FAT3: variants seen among roughly 807,000 people sequenced by gnomAD.
The protein encoded by FAT3 is protocadherin Fat 3.
FAT3 carries 95 observed loss-of-function variants against 310.2 expected under a neutral mutation model. That is an observed-to-expected ratio of 0.31 (90% CI 0.26 to 0.36). The LOEUF (loss-of-function observed/expected upper bound fraction) is 0.36. Ranked by LOEUF, FAT3 falls within the 10% of genes least tolerant of loss-of-function variation. The probability of loss-of-function intolerance (pLI) is 1.00; values close to 1 mark genes in which losing one functional copy is unlikely to be tolerated. For synonymous variants in FAT3, 2,314 were observed against 2,192.9 expected (o/e 1.06, Z -1.54); for missense variants, 5,408 against 5,715.6 (o/e 0.95, Z 1.74).
chr11:92,874,049 A>C (rs1949461556), intron 22 of FAT3, among the ~76,000 whole-genome samples: 1 of 152,226 alleles, frequency 6.6e-6, no homozygotes, highest in Admixed American at 6.5e-5. Context: ...ATGCACAGAA[A>C]GTTCTTAGAA....
intron 3 of FAT3, among the ~76,000 whole-genome samples, chr11:92,563,909 C>T (rs972759899): frequency 2.0e-5 from 3 of 152,002 alleles, no homozygotes; most frequent in Admixed American, 6.6e-5. Context: ...AAAGGAACAA[C>T]CGGTACCAGC....
chr11:92,432,796 T>C (rs1381913426), intron 2 of FAT3, among the ~76,000 whole-genome samples: 3 of 152,064 alleles, frequency 2.0e-5, no homozygotes, highest in African/African-American at 7.2e-5. Flanking sequence ...TCAGAGCCGG[T>C]AGGGAGGAAC....
At chr11:92,399,600 T>C (rs1352083860) in intron 2 of FAT3, among the ~76,000 whole-genome samples, 2 of 152,010 alleles carry the variant, frequency 1.3e-5, no homozygotes, top group East Asian at 3.9e-4. Context: ...CACAACTTGG[T>C]TGGTGGGAGC....
intron 1 of FAT3, chr11:92,314,236 T>C (rs1034683087): frequency 5.3e-6 from 5 of 939,950 alleles, no homozygotes; most frequent in Non-Finnish European, 6.3e-6. Context: ...GGCTAATTAA[T>C]AATTAAGGTC....
At chr11:92,464,303 G>A (rs987746731) in intron 2 of FAT3, among the ~76,000 whole-genome samples, 1 of 152,122 alleles carries the variant, frequency 6.6e-6, no homozygotes, top group Non-Finnish European at 1.5e-5. Context: ...GTTGGTCCTG[G>A]CATGTAGGTC....
intron 2 of FAT3, among the ~76,000 whole-genome samples, chr11:92,415,848 G>GTTTTTT (rs1950396728): frequency 2.6e-5 from 2 of 78,406 alleles, no homozygotes; most frequent in African/African-American, 1.4e-4. Context: ...AAGCATTTTT[G>GTTTTTT]CTTTTTTTTT....
rs370287381 is a variant in FAT3, at chr11:92,831,752, C to G, written c.9612C>G (p.Ser3204Arg). The G allele has an allele frequency of 1.7e-5, 28 of 1,613,374 alleles. No individual in the cohort carries two copies. The South Asian group carries it at 2.6e-4, about 15-fold the overall frequency. ...DREQQSSYNI[S>R]VRATDQSPGQ... is the part of the protein sequence containing the mutation. ...AGCAGCAGTCTTCGTACAACATCAGCGTGCGGGCCACTGACCAGAGTCCTG... is the reference window on the plus strand; with the variant it reads ...AGCAGCAGTCTTCGTACAACATCAGGGTGCGGGCCACTGACCAGAGTCCTG... Residue 3204 changes from serine to arginine, a missense_variant, in exon 14 of 28, where the codon AGC (serine) becomes AGG (arginine). Ser to Arg is a moderately radical substitution (Grantham distance 110). Transcript: ENST00000525166.
At chr11:92,532,831 G>A (rs955675686) in intron 3 of FAT3, among the ~76,000 whole-genome samples, 5 of 152,014 alleles carry the variant, frequency 3.3e-5, no homozygotes, top group Non-Finnish European at 7.4e-5. Context: ...TTTCATCATT[G>A]GAATGAAACA....
At chr11:92,247,407 C>A (rs1864960288) in intron 1 of FAT3, among the ~76,000 whole-genome samples, 1 of 151,706 alleles carries the variant, frequency 6.6e-6, no homozygotes, top group African/African-American at 2.4e-5. Context: ...GTGTGACATG[C>A]CTCTTCTGCA....
At chr11:92,621,980 G>A (rs1170995711) in intron 3 of FAT3, among the ~76,000 whole-genome samples, 3 of 152,124 alleles carry the variant, frequency 2.0e-5, no homozygotes, top group Non-Finnish European at 2.9e-5. Flanking sequence ...GACATGTTTA[G>A]ATCCACTGAT....
At chr11:92,266,697 G>A (rs1241946173) in intron 1 of FAT3, among the ~76,000 whole-genome samples, 1 of 152,116 alleles carries the variant, frequency 6.6e-6, no homozygotes, top group Non-Finnish European at 1.5e-5. Context: ...CTCAGGGATG[G>A]CAGAAATTGC....
chr11:92,874,766 C>T lies in FAT3; in HGVS notation c.12128-5965C>T, dbSNP rs191029098. Among the ~76,000 whole-genome samples the T allele has an allele frequency of 3.1e-3, 475 of 152,190 alleles. 3 individuals are homozygous for T. The highest frequency in any genetic ancestry group is 3.8e-3 in the Non-Finnish European group (257 of 67,984). ...ATTGGTCAGGCTGGTCTCAAACCCCCGAACTCAGGTGATCCGCCCACCTTG... is the reference window on the plus strand; with the variant it reads ...ATTGGTCAGGCTGGTCTCAAACCCCTGAACTCAGGTGATCCGCCCACCTTG... On this transcript the variant is annotated intron_variant, in intron 22 of 27. Coordinates refer to ENST00000525166, the MANE Select transcript of FAT3 (RefSeq NM_001367949.2).
chr11:92,887,226 C>T (rs1461795235), intron 25 of FAT3, 113 bp downstream of exon 25: 1 of 863,296 alleles, frequency 1.2e-6, no homozygotes, highest in Non-Finnish European at 1.8e-6. Context: ...TGTTCATGGG[C>T]TTTTGAGCGT....
intron 10 of FAT3, 97 bp downstream of exon 10, chr11:92,802,006 A>G (rs1947374141): frequency 8.4e-7 from 1 of 1,196,290 alleles, no homozygotes; most frequent in East Asian, 2.5e-5. Context: ...AGATGGGATA[A>G]GGAGTCCAGT....
intron 2 of FAT3, among the ~76,000 whole-genome samples, chr11:92,483,144 G>T (rs1414151752): frequency 6.6e-6 from 1 of 152,118 alleles, no homozygotes; most frequent in African/African-American, 2.4e-5. Context: ...TAGTGCTGAT[G>T]CTTGGACAAG....
In FAT3 at chr11:92,761,975, G is replaced by A; in HGVS notation, c.3789G>A (p.Leu1263=). 2 of 1,613,984 alleles carry A rather than the reference G, an allele frequency of 1.2e-6. No homozygotes were observed. Among genetic ancestry groups the A allele is most frequent in the Non-Finnish European group, 1.7e-6 (2 of 1,179,888 alleles). ...CAGAGAAGGTCTACCAGATCAAGCT[G>A]CCAGAACGTGACCGAAAGAAGAGAG... is the stretch of plus-strand genomic sequence containing the variant. ...QFPEKVYQIK[L]PERDRKKRGE... Residue 1263 remains leucine, a synonymous_variant, in exon 5 of 28, where the codon CTG becomes CTA. Coordinates refer to ENST00000525166, the MANE Select transcript of FAT3 (RefSeq NM_001367949.2).
At chr11:92,460,214 C>T (rs900010046) in intron 2 of FAT3, among the ~76,000 whole-genome samples, 9 of 152,086 alleles carry the variant, frequency 5.9e-5, no homozygotes, top group African/African-American at 2.2e-4. Context: ...AATATTGAAT[C>T]CACGTATTAA....
chr11:92,640,915 C>T (rs114176207), intron 3 of FAT3, among the ~76,000 whole-genome samples: 2,789 of 152,218 alleles, frequency 0.018, 74 homozygotes, highest in African/African-American at 0.063. Flanking sequence ...GATAGAAAAA[C>T]AGTGTTCTGG....
chr11:92,380,039 C>T (rs1057019620), intron 2 of FAT3, among the ~76,000 whole-genome samples: 2 of 149,630 alleles, frequency 1.3e-5, no homozygotes, highest in South Asian at 2.1e-4. Flanking sequence ...TTGATGATGT[C>T]GTTGAGTCAG....
Sources: gnomAD v4.1 joint callset for allele counts (sites outside exome capture counted in the v4.1 genomes callset) on GRCh38, gnomAD v4.1.1 for gene constraint, MANE v1.5 for transcripts, NCBI Gene and HGNC (gene_info 2026-07-23, HGNC 2026-07-21) for gene names.